Variants in FREM3 observed in about 807,000 individuals in gnomAD.
FREM3 encodes the protein FRAS1-related extracellular matrix protein 3.
In FREM3, 105 loss-of-function variants were observed where a neutral mutation model predicts 129.1. That is an observed-to-expected ratio of 0.81 (90% CI 0.69 to 0.96). The LOEUF (loss-of-function observed/expected upper bound fraction) is 0.96, where lower values mean the gene tolerates loss of function less well. Ranked by LOEUF, FREM3 falls within the 40% of genes least tolerant of loss-of-function variation. The probability of loss-of-function intolerance (pLI) is 0.00; values close to 1 mark genes in which losing one functional copy is unlikely to be tolerated. For missense variants in FREM3, 2,593 were observed against 2,666.3 expected, an observed-to-expected ratio of 0.97 and a Z score of 0.61; for synonymous variants, 1,014 against 1,044.9, an observed-to-expected ratio of 0.97 and a Z score of 0.57.
intron 1 of FREM3, 73 bp downstream of exon 1, chr4:143,695,418 T>G (rs1578873915): frequency 7.6e-7 from 1 of 1,312,438 alleles, no homozygotes; most frequent in East Asian, 2.5e-5. Flanking sequence ...ATCAGGACAA[T>G]TTTACACAAA....
chr4:143,624,902 G>A (rs948922947), intron 3 of FREM3, among the ~76,000 whole-genome samples: 1 of 152,054 alleles, frequency 6.6e-6, no homozygotes, highest in Non-Finnish European at 1.5e-5. Context: ...GTTTCCTCTT[G>A]CTGATTCTTA....
chr4:143,644,535 A>G (rs181794390), intron 2 of FREM3, among the ~76,000 whole-genome samples: 34 of 152,236 alleles, frequency 2.2e-4, no homozygotes, highest in African/African-American at 7.5e-4. Context: ...CACATCTTTA[A>G]TTGAACACAG....
At chr4:143,591,223 TTG>T (rs1489868201) in intron 6 of FREM3, among the ~76,000 whole-genome samples, 1 of 152,236 alleles carries the variant, frequency 6.6e-6, no homozygotes, top group African/African-American at 2.4e-5. Context: ...GAAGGGTTTT[TTG>T]TGTCTCTATC....
intron 2 of FREM3, among the ~76,000 whole-genome samples, chr4:143,635,564 C>T (rs746564289): frequency 1.3e-5 from 2 of 152,168 alleles, no homozygotes; most frequent in Non-Finnish European, 2.9e-5. Context: ...TCAAAACTAT[C>T]TTCGGACATT....
At chr4:143,600,920 C>G (rs571373333) in intron 6 of FREM3, among the ~76,000 whole-genome samples, 235 of 151,452 alleles carry the variant, frequency 1.6e-3, no homozygotes, top group Non-Finnish European at 2.8e-3. Flanking sequence ...TCACTAGTCA[C>G]TTCATTCTGG....
At chr4:143,620,337 A>C (rs995546433) in intron 5 of FREM3, among the ~76,000 whole-genome samples, 2 of 152,204 alleles carry the variant, frequency 1.3e-5, no homozygotes, top group South Asian at 4.1e-4. Context: ...CTGCCACATG[A>C]AAGTGATGGT....
chr4:143,632,793 A>G (rs1382553729), intron 2 of FREM3, among the ~76,000 whole-genome samples: 3 of 151,440 alleles, frequency 2.0e-5, no homozygotes, highest in Non-Finnish European at 4.4e-5. Flanking sequence ...TACACTACAT[A>G]ACAATAGTTG....
chr4:143,630,219 C>T (rs934467425), intron 2 of FREM3, among the ~76,000 whole-genome samples: 12 of 152,024 alleles, frequency 7.9e-5, no homozygotes, highest in African/African-American at 2.7e-4. Flanking sequence ...ACCAAATGAC[C>T]GGCACAAATT....
intron 6 of FREM3, chr4:143,601,909 CA>C (rs1360982893): frequency 6.6e-6 from 1 of 151,922 alleles, no homozygotes; most frequent in Non-Finnish European, 1.5e-5. Context: ...CTTAAGGAAG[CA>C]AACATTTCCT....
At chr4:143,662,494 A>T (rs1446922983) in intron 2 of FREM3, among the ~76,000 whole-genome samples, 2 of 149,428 alleles carry the variant, frequency 1.3e-5, no homozygotes, top group Non-Finnish European at 3.0e-5. Context: ...TGCTGAGGAG[A>T]GCTTTACTTC....
chr4:143,686,815 T>C (rs2149860970), intron 2 of FREM3, among the ~76,000 whole-genome samples: 1 of 152,190 alleles, frequency 6.6e-6, no homozygotes, highest in South Asian at 2.1e-4. Flanking sequence ...ACCTCTGGGA[T>C]ACAGCAAAAG....
chr4:143,681,336 T>G (rs906507865), intron 2 of FREM3, among the ~76,000 whole-genome samples: 9 of 152,270 alleles, frequency 5.9e-5, no homozygotes, highest in African/African-American at 2.2e-4. Context: ...TATTATATGG[T>G]AAGTGGAAGA....
At chr4:143,672,379 T>C (rs557146309) in intron 2 of FREM3, among the ~76,000 whole-genome samples, 1 of 152,344 alleles carries the variant, frequency 6.6e-6, no homozygotes, top group Admixed American at 6.5e-5. Flanking sequence ...TAAAAGCTAA[T>C]CTTGGAATAA....
At chr4:143,594,017 C>A (rs1466998564) in intron 6 of FREM3, among the ~76,000 whole-genome samples, 4 of 152,172 alleles carry the variant, frequency 2.6e-5, no homozygotes, top group African/African-American at 7.2e-5. Flanking sequence ...GGGCGTAGGA[C>A]CCTCTGAGCC....
chr4:143,684,560 C>G (rs987583743), intron 2 of FREM3, among the ~76,000 whole-genome samples: 2 of 152,188 alleles, frequency 1.3e-5, no homozygotes, highest in African/African-American at 4.8e-5. Context: ...TGAGAAGGAA[C>G]CAGAAAACCA....
intron 2 of FREM3, among the ~76,000 whole-genome samples, chr4:143,689,115 A>C (rs1399287277): frequency 6.6e-6 from 1 of 152,186 alleles, no homozygotes; most frequent in African/African-American, 2.4e-5. Context: ...GAAAATCTTC[A>C]CAATGTATAT....
At chr4:143,687,769 T>A (rs1740395351) in intron 2 of FREM3, among the ~76,000 whole-genome samples, 1 of 152,178 alleles carries the variant, frequency 6.6e-6, no homozygotes, top group South Asian at 2.1e-4. Context: ...AATCACATGA[T>A]CATTTCCATA....
In FREM3 at chr4:143,696,909, G is replaced by A; in HGVS notation, c.3767C>T (p.Thr1256Ile). 2 of 1,537,706 alleles carry A rather than the reference G, an allele frequency of 1.3e-6. No individual in the cohort carries two copies. The highest frequency in any genetic ancestry group is 1.7e-6 in the Non-Finnish European group (2 of 1,147,022). The change falls in exon 1 of 8, where the codon ACC becomes ATC. Residue 1256 changes from threonine (T) to isoleucine (I), a missense_variant. Transcript: ENST00000329798. The stretch of plus-strand genomic sequence containing the variant: ...GGAGGCCTCCTGGATCTCCTTGAGG[G>A]TGAAGCTGTGGATGGGCTGGCTGCC... ...ATGSQPIHSFTLKEIQEASTI... is the reference protein window; with the variant it reads ...ATGSQPIHSFILKEIQEASTI...
chr4:143,684,669 C>T (rs1740325117), intron 2 of FREM3, among the ~76,000 whole-genome samples: 1 of 152,154 alleles, frequency 6.6e-6, no homozygotes, highest in Non-Finnish European at 1.5e-5. Flanking sequence ...CCCTGATTTA[C>T]CTGAAAACGA....
Sources: allele counts gnomAD v4.1 joint callset (sites outside exome capture counted in the v4.1 genomes callset), GRCh38; gene constraint gnomAD v4.1.1; transcripts MANE v1.5; gene names NCBI Gene and HGNC (gene_info 2026-07-23, HGNC 2026-07-21).